Variants in CDH13 observed in about 807,000 individuals in gnomAD.
The protein encoded by CDH13 is cadherin 13.
CDH13 carries 24 observed loss-of-function variants against 63.8 expected under a neutral mutation model. That is an observed-to-expected ratio of 0.38 (90% CI 0.27 to 0.53). The LOEUF is 0.53. Among genes scored for constraint, CDH13 ranks in the 20% least tolerant of loss-of-function variants. The probability of loss-of-function intolerance (pLI) is 0.85; values close to 1 mark genes in which losing one functional copy is unlikely to be tolerated. For missense variants in CDH13, 1,049 were observed against 903.1 expected, an observed-to-expected ratio of 1.16 and a Z score of -2.07; for synonymous variants, 503 against 355.3, an observed-to-expected ratio of 1.42 and a Z score of -4.67.
intron 5 of CDH13, among the ~76,000 whole-genome samples, chr16:83,344,163 G>A (rs571035071): frequency 2.6e-5 from 4 of 152,336 alleles, no homozygotes; most frequent in East Asian, 3.9e-4. Flanking sequence ...GAAAATGTGC[G>A]CATAAGGTCC....
chr16:82,834,201 T>C (rs1367358950), intron 1 of CDH13, among the ~76,000 whole-genome samples: 2 of 152,204 alleles, frequency 1.3e-5, no homozygotes, highest in Non-Finnish European at 2.9e-5. Context: ...CCAGATAGGC[T>C]GACACATCTT....
At chr16:83,474,636 A>T (rs117739382) in intron 6 of CDH13, among the ~76,000 whole-genome samples, 58 of 152,314 alleles carry the variant, frequency 3.8e-4, no homozygotes, top group Non-Finnish European at 6.3e-4. Context: ...AAAAAGGAGG[A>T]TGTAGCTTAG....
chr16:82,974,511 A>T (rs369228105), intron 2 of CDH13, among the ~76,000 whole-genome samples: 2 of 151,884 alleles, frequency 1.3e-5, no homozygotes. Context: ...TAATGACCCC[A>T]ATGATATCCA....
At chr16:83,475,979 C>A (rs911470365) in intron 6 of CDH13, among the ~76,000 whole-genome samples, 1 of 152,152 alleles carries the variant, frequency 6.6e-6, no homozygotes, top group African/African-American at 2.4e-5. Flanking sequence ...AGAATTAACC[C>A]AGGAGTTCAT....
intron 4 of CDH13, among the ~76,000 whole-genome samples, chr16:83,149,669 A>T (rs1039240140): frequency 2.6e-5 from 4 of 152,198 alleles, no homozygotes; most frequent in African/African-American, 9.6e-5. Flanking sequence ...GGTTTCTAAA[A>T]GCCCTATCAT....
At chr16:83,561,506 TAC>T (rs2075708567) in intron 7 of CDH13, among the ~76,000 whole-genome samples, 1 of 151,538 alleles carries the variant, frequency 6.6e-6, no homozygotes, top group Admixed American at 6.6e-5. Flanking sequence ...GCAAGGGGTC[TAC>T]ATTTAAGTCA....
At chr16:82,843,796 A>G (rs145284493) in intron 1 of CDH13, among the ~76,000 whole-genome samples, 29 of 152,324 alleles carry the variant, frequency 1.9e-4, no homozygotes, top group African/African-American at 7.0e-4. Context: ...GCCGGGTAGG[A>G]TCTGATAATT....
chr16:83,248,563 A>G (rs886459435), intron 5 of CDH13, among the ~76,000 whole-genome samples: 4 of 152,102 alleles, frequency 2.6e-5, no homozygotes, highest in South Asian at 2.1e-4. Flanking sequence ...AATGTAGTAC[A>G]TCTCTTTTCT....
intron 1 of CDH13, among the ~76,000 whole-genome samples, chr16:82,779,580 GC>G (rs2035654846): frequency 6.6e-6 from 1 of 152,292 alleles, no homozygotes; most frequent in Admixed American, 6.5e-5. Flanking sequence ...AAGGAGAGGG[GC>G]CAGGAGAGAA....
At chr16:82,791,508 G>A (rs1156735717) in intron 1 of CDH13, among the ~76,000 whole-genome samples, 1 of 152,164 alleles carries the variant, frequency 6.6e-6, no homozygotes, top group African/African-American at 2.4e-5. Flanking sequence ...CCCATTGTAT[G>A]GGAGCTCTGT....
intron 2 of CDH13, among the ~76,000 whole-genome samples, chr16:82,955,588 C>T (rs1319232306): frequency 2.8e-5 from 4 of 141,494 alleles, no homozygotes; most frequent in East Asian, 2.1e-4. Flanking sequence ...AACATGCATT[C>T]GTTTTTGTTT....
chr16:83,677,022 T>C (rs887958515), intron 9 of CDH13, among the ~76,000 whole-genome samples: 4 of 152,228 alleles, frequency 2.6e-5, no homozygotes, highest in Non-Finnish European at 5.9e-5. Flanking sequence ...CTTGTCCTTC[T>C]TGCAAGAATA....
At chr16:83,275,127 C>T (rs756488554) in intron 5 of CDH13, among the ~76,000 whole-genome samples, 8 of 152,160 alleles carry the variant, frequency 5.3e-5, no homozygotes, top group Admixed American at 3.3e-4. Context: ...GTGCCTGGTA[C>T]ACATTAGACA....
chr16:83,570,590 TCACTGG>T, intron 7 of CDH13, among the ~76,000 whole-genome samples: 1 of 151,770 alleles, frequency 6.6e-6, no homozygotes, highest in East Asian at 1.9e-4. Flanking sequence ...GTGTATGCAA[TCACTGG>T]AAAAGACGGC....
chr16:82,659,982 G>A (rs540706647), intron 1 of CDH13, among the ~76,000 whole-genome samples: 12 of 152,296 alleles, frequency 7.9e-5, no homozygotes, highest in African/African-American at 2.4e-4. Context: ...CTGCTTTAGG[G>A]GAATACTTAA....
At chr16:83,286,768 A>G (rs200461357) in intron 5 of CDH13, among the ~76,000 whole-genome samples, 1 of 98,350 alleles carries the variant, frequency 1.0e-5, no homozygotes, top group Admixed American at 1.2e-4. Flanking sequence ...AAAAAAAAAA[A>G]TGTATATATA....
chr16:82,716,582 A>G lies in CDH13; in HGVS notation c.45+89445A>G, dbSNP rs139569686. The stretch of plus-strand genomic sequence containing the variant: ...AAAAGAGAAGGCTGAGGAGGGACAT[A>G]TAAAGACTTCATACTAGATTAATTA... On this transcript the variant is annotated intron_variant, in intron 1 of 13. Coordinates refer to ENST00000567109, the MANE Select transcript of CDH13 (RefSeq NM_001257.5). 4.7e-5 allele frequency among the ~76,000 whole-genome samples: 7 copies of G among 148,822 alleles called. No homozygotes were observed. The East Asian group carries it at 1.4e-3, about 29-fold the overall frequency.
At chr16:82,721,393 A>C (rs1383018340) in intron 1 of CDH13, among the ~76,000 whole-genome samples, 1 of 152,132 alleles carries the variant, frequency 6.6e-6, no homozygotes. Context: ...ATTTAGGATG[A>C]GTGAGGGACA....
In CDH13 at chr16:83,680,369, T is replaced by C. The variant is rs76808195; in HGVS notation, c.1538+1908T>C. On this transcript the variant is annotated intron_variant, in intron 10 of 13. Coordinates refer to ENST00000567109, the MANE Select transcript of CDH13 (RefSeq NM_001257.5). ...ATACACAGCACAGAGGGCCGCTGAC[T>C]GAGAAGGAGGGATGAACATCCTGTC... Among the ~76,000 whole-genome samples, 514 of 152,224 alleles carry C rather than the reference T, an allele frequency of 3.4e-3. 7 individuals are homozygous for C. Among genetic ancestry groups the C allele is most frequent in the African/African-American group, 0.012 (493 of 41,520 alleles).
Sources: gnomAD v4.1 joint callset for allele counts (sites outside exome capture counted in the v4.1 genomes callset) on GRCh38, gnomAD v4.1.1 for gene constraint, MANE v1.5 for transcripts, NCBI Gene and HGNC (gene_info 2026-07-23, HGNC 2026-07-21) for gene names.